ROBO2: variants seen among roughly 807,000 people sequenced by gnomAD.
ROBO2 encodes the protein roundabout guidance receptor 2.
A neutral mutation model predicts 160.8 loss-of-function variants in ROBO2; 53 were observed. The ratio of observed to expected loss-of-function variants is 0.33; its 90% CI spans 0.26 to 0.41. The LOEUF (loss-of-function observed/expected upper bound fraction) is 0.41. Ranked by LOEUF, ROBO2 falls within the 10% of genes least tolerant of loss-of-function variation. The pLI is 1.00. For missense variants in ROBO2, 1,577 were observed against 1,722.4 expected (o/e 0.92, Z 1.49); for synonymous variants, 664 against 611.7 (o/e 1.09, Z -1.26).
At chr3:76,375,775 A>G (rs1400523253) in intron 2 of ROBO2, among the ~76,000 whole-genome samples, 1 of 152,044 alleles carries the variant, frequency 6.6e-6, no homozygotes, top group Non-Finnish European at 1.5e-5. Context: ...TCTTTGAGAA[A>G]TTTTTCTAAA....
intron 3 of ROBO2, among the ~76,000 whole-genome samples, chr3:77,480,405 A>G (rs980678013): frequency 3.3e-5 from 5 of 152,128 alleles, no homozygotes; most frequent in East Asian, 3.9e-4. Flanking sequence ...ATATTATTGC[A>G]TTTGTTTTTA....
intron 2 of ROBO2, among the ~76,000 whole-genome samples, chr3:76,846,595 C>T (rs1429314581): frequency 2.6e-5 from 4 of 152,028 alleles, no homozygotes; most frequent in Non-Finnish European, 4.4e-5. Flanking sequence ...TACTCGATAA[C>T]GTTGTCTGGG....
At chr3:76,411,808 A>G (rs2075500128) in intron 2 of ROBO2, among the ~76,000 whole-genome samples, 2 of 152,202 alleles carry the variant, frequency 1.3e-5, no homozygotes. Flanking sequence ...GCTATTGTGT[A>G]GAATGTGTAT....
At chr3:75,921,024 A>G (rs1947021425) in intron 1 of ROBO2, among the ~76,000 whole-genome samples, 1 of 152,118 alleles carries the variant, frequency 6.6e-6, no homozygotes, top group African/African-American at 2.4e-5. Flanking sequence ...CATTTAGCCC[A>G]TGTATATTTA....
chr3:77,023,041 T>C (rs2062739008), intron 2 of ROBO2, among the ~76,000 whole-genome samples: 1 of 152,144 alleles, frequency 6.6e-6, no homozygotes, highest in Admixed American at 6.5e-5. Flanking sequence ...ACAATGGACA[T>C]GGTTTGGCTG....
chr3:76,607,942 A>G (rs759966869), intron 2 of ROBO2, among the ~76,000 whole-genome samples: 2 of 152,146 alleles, frequency 1.3e-5, no homozygotes, highest in African/African-American at 2.4e-5. Flanking sequence ...TATCTTCCTA[A>G]CTGGTTTTCT....
chr3:77,200,476 G>A (rs2082803214), intron 2 of ROBO2, among the ~76,000 whole-genome samples: 1 of 151,062 alleles, frequency 6.6e-6, no homozygotes, highest in Admixed American at 6.6e-5. Flanking sequence ...AAAATTAAAT[G>A]GGTATCACCC....
At chr3:77,130,455 T>C (rs1005850018) in intron 2 of ROBO2, among the ~76,000 whole-genome samples, 1 of 149,120 alleles carries the variant, frequency 6.7e-6, no homozygotes, top group Non-Finnish European at 1.5e-5. Flanking sequence ...CAAAAAAAAA[T>C]AAAGTGAGAA....
intron 2 of ROBO2, among the ~76,000 whole-genome samples, chr3:77,455,135 ATT>A (rs753736256): frequency 8.5e-5 from 13 of 152,204 alleles, no homozygotes; most frequent in Non-Finnish European, 1.5e-4. Flanking sequence ...AAAACAGTAC[ATT>A]TAACTGGCTT....
chr3:77,103,555 T>C (rs1365207196), intron 2 of ROBO2, among the ~76,000 whole-genome samples: 3 of 152,194 alleles, frequency 2.0e-5, no homozygotes, highest in Admixed American at 6.5e-5. Flanking sequence ...ACAGATGTGA[T>C]TCATAATTCA....
At chr3:76,157,826 C>A (rs1377795314) in intron 2 of ROBO2, among the ~76,000 whole-genome samples, 2 of 152,104 alleles carry the variant, frequency 1.3e-5, no homozygotes, top group African/African-American at 2.4e-5. Context: ...GATTTAACTA[C>A]CATTTCTAAG....
chr3:77,541,748 A>C (rs2092470974), intron 6 of ROBO2, among the ~76,000 whole-genome samples: 1 of 152,202 alleles, frequency 6.6e-6, no homozygotes, highest in Non-Finnish European at 1.5e-5. Context: ...ATTACATCAT[A>C]GTTAACAAAA....
chr3:76,634,854 C>T (rs541607140), intron 2 of ROBO2, among the ~76,000 whole-genome samples: 1 of 152,346 alleles, frequency 6.6e-6, no homozygotes, highest in South Asian at 2.1e-4. Context: ...GGCCCACAAG[C>T]ATTACCTCCA....
chr3:76,089,704 A>T (rs2069151766), intron 2 of ROBO2, among the ~76,000 whole-genome samples: 1 of 152,174 alleles, frequency 6.6e-6, no homozygotes, highest in Admixed American at 6.5e-5. Flanking sequence ...CTGGAGAAAG[A>T]TCTAAGTCTA....
chr3:77,092,562 ATAT>A (rs1226733829), intron 1 of ROBO2, among the ~76,000 whole-genome samples: 2 of 147,202 alleles, frequency 1.4e-5, no homozygotes, highest in East Asian at 1.9e-4. Flanking sequence ...TATAGTTTAT[ATAT>A]TATTAATATA....
intron 2 of ROBO2, among the ~76,000 whole-genome samples, chr3:77,157,332 C>T (rs56681561): frequency 0.31 from 46,789 of 151,672 alleles, 8,557 homozygotes; most frequent in Middle Eastern, 0.46. Context: ...GTTAAAATAT[C>T]TAAAATTCAA....
intron 2 of ROBO2, among the ~76,000 whole-genome samples, chr3:77,407,796 A>G (rs2076373755): frequency 6.6e-6 from 1 of 152,224 alleles, no homozygotes; most frequent in Admixed American, 6.5e-5. Flanking sequence ...TTCATTTTAA[A>G]TAGGACTTTC....
intron 2 of ROBO2, among the ~76,000 whole-genome samples, chr3:76,895,575 A>T (rs2074704325): frequency 6.6e-6 from 1 of 152,138 alleles, no homozygotes; most frequent in African/African-American, 2.4e-5. Flanking sequence ...ATAGTGTTTT[A>T]AAAATAGCTT....
intron 2 of ROBO2, among the ~76,000 whole-genome samples, chr3:76,648,166 A>G (rs1292291528): frequency 6.6e-6 from 1 of 152,156 alleles, no homozygotes; most frequent in Non-Finnish European, 1.5e-5. Context: ...ATTAAAATAA[A>G]TGACCCATTC....
Sources: gnomAD v4.1 joint callset for allele counts (sites outside exome capture counted in the v4.1 genomes callset) on GRCh38, gnomAD v4.1.1 for gene constraint, MANE v1.5 for transcripts, NCBI Gene and HGNC (gene_info 2026-07-23, HGNC 2026-07-21) for gene names.